The following DISP1 variants were observed in gnomAD, a reference collection of about 807,000 sequenced individuals.
DISP1 encodes the protein dispatched RND transporter family member 1, also known as protein dispatched homolog 1.
In DISP1, 30 loss-of-function variants were observed where a neutral mutation model predicts 37.3. The observed-to-expected ratio is 0.80, with a 90% CI of 0.60 to 1.09. DISP1 has a LOEUF of 1.09. Among genes scored for constraint, DISP1 ranks in the 50% least tolerant of loss-of-function variants. The pLI is 0.00. For synonymous variants in DISP1, 634 were observed against 690.2 expected (o/e 0.92, Z 1.28); for missense variants, 1,598 against 1,879.5 (o/e 0.85, Z 2.77).
intron 1 of DISP1, among the ~76,000 whole-genome samples, chr1:222,914,221 A>G (rs1335613449): frequency 6.6e-6 from 1 of 152,170 alleles, no homozygotes; most frequent in African/African-American, 2.4e-5. Context: ...GGACTTTTCA[A>G]ATATAGTACT....
intron 4 of DISP1, among the ~76,000 whole-genome samples, chr1:222,984,857 G>GT (rs1240754678): frequency 1.3e-5 from 2 of 152,238 alleles, no homozygotes; most frequent in African/African-American, 4.8e-5. Context: ...TTTGACTGCT[G>GT]TAAGTACCTC....
rs1281884678 is a variant in DISP1 at position 222,963,632 on chromosome 1, G to T, written c.510-19448G>T. 3.9e-5 allele frequency among the ~76,000 whole-genome samples: 6 copies of T among 152,132 alleles called. No homozygotes were observed. The East Asian group carries it at 1.2e-3, about 29-fold the overall frequency. On this transcript the variant is annotated intron_variant, in intron 3 of 8. Transcript: ENST00000675850. ...CCTTTGCAGAGACATGGATGGAGGT[G>T]GAAGCCATTATCTTCAGCGAACTAA... is the stretch of plus-strand genomic sequence containing the variant.
intron 1 of DISP1, among the ~76,000 whole-genome samples, chr1:222,887,408 A>G (rs534362633): frequency 6.6e-6 from 1 of 151,524 alleles, no homozygotes; most frequent in East Asian, 1.9e-4. Context: ...TCTTAAATTC[A>G]TAGTTCAAAA....
intron 5 of DISP1, 140 bp downstream of exon 5, chr1:222,990,888 A>T: frequency 2.5e-6 from 3 of 1,204,906 alleles, no homozygotes; most frequent in Non-Finnish European, 3.6e-6. Flanking sequence ...AAAAGTAAAG[A>T]CATGACTTTA....
At chr1:222,836,584 C>G (rs1054766819) in intron 1 of DISP1, among the ~76,000 whole-genome samples, 1 of 151,888 alleles carries the variant, frequency 6.6e-6, no homozygotes, top group African/African-American at 2.4e-5. Context: ...CATTTAATCT[C>G]TGAGTTTTAG....
intron 1 of DISP1, among the ~76,000 whole-genome samples, chr1:222,879,893 C>T (rs1267289660): frequency 1.3e-5 from 2 of 151,910 alleles, no homozygotes; most frequent in East Asian, 3.9e-4. Flanking sequence ...TTGAAATGAG[C>T]ATTCATACAT....
Position 222,947,589 on chromosome 1 carries a change from G to A in DISP1, c.509+4257G>A, listed in dbSNP as rs144039976. 4.0e-3 allele frequency among the ~76,000 whole-genome samples: 612 copies of A among 152,272 alleles called. 12 individuals are homozygous for A. The highest frequency in any genetic ancestry group is 0.017 in the East Asian group (90 of 5,178). ...TCAGACCAGAAGTGGAATTACTGGA[G>A]CATATGGTAATTCTGTTTTTAGCTT... On this transcript the variant is annotated intron_variant, in intron 3 of 8. Transcript: ENST00000675850.
chr1:222,859,903 G>A (rs1216353333), intron 1 of DISP1, among the ~76,000 whole-genome samples: 1 of 152,166 alleles, frequency 6.6e-6, no homozygotes, highest in African/African-American at 2.4e-5. Context: ...CACAGTCTGT[G>A]CACATACTAG....
chr1:222,970,807 T>C (rs575657131), intron 3 of DISP1, among the ~76,000 whole-genome samples: 2 of 152,148 alleles, frequency 1.3e-5, no homozygotes, highest in Non-Finnish European at 2.9e-5. Flanking sequence ...ACATAGTATT[T>C]GGGTGTCACT....
chr1:222,926,507 C>G (rs1387943247), intron 1 of DISP1, among the ~76,000 whole-genome samples: 3 of 152,092 alleles, frequency 2.0e-5, no homozygotes, highest in Non-Finnish European at 2.9e-5. Flanking sequence ...ATTACTGGTT[C>G]TAGGAGAAAT....
chr1:222,907,570 G>T (rs1022046918), intron 1 of DISP1, among the ~76,000 whole-genome samples: 27 of 152,186 alleles, frequency 1.8e-4, no homozygotes, highest in African/African-American at 5.1e-4. Flanking sequence ...GAGGAGGAAA[G>T]TCAGGTACCA....
At chr1:222,994,757 G>T in intron 7 of DISP1, 128 bp from the exon 8 acceptor site, 1 of 689,668 alleles carries the variant, frequency 1.4e-6, no homozygotes, top group South Asian at 1.7e-5. Flanking sequence ...TCAAAGGAAA[G>T]AATTTCCTGC....
At chr1:222,942,692 A>T in intron 2 of DISP1, 115 bp from the exon 3 acceptor site, 2 of 1,219,022 alleles carry the variant, frequency 1.6e-6, no homozygotes, top group Non-Finnish European at 2.4e-6. Flanking sequence ...CCACTGTCTC[A>T]CAACTCTGCA....
In DISP1 at chr1:223,003,486, G is replaced by T; in HGVS notation, c.2089G>T (p.Ala697Ser). ...CCAGAAGTGCCACAAAGTACTCTTT[G>T]CCATTTCAGAAGCATCTCGAATTTT... ...ACQKCHKVLF[A>S]ISEASRIFFE... Residue 697 changes from alanine (A) to serine (S), a missense_variant, in exon 9 of 9, where the codon GCC becomes TCC. Ala to Ser is a moderately conservative substitution (Grantham distance 99, BLOSUM62 1). Coordinates refer to ENST00000675850, the MANE Select transcript of DISP1 (RefSeq NM_001377229.1). This position sits in a 1 kb window ranked among gnomAD's most constrained non-coding sequence, Gnocchi z 4.3. 1.2e-6 allele frequency: 2 copies of T among 1,614,138 alleles called. No individual in the cohort carries two copies. The highest frequency in any genetic ancestry group is 1.7e-6 in the Non-Finnish European group (2 of 1,180,038).
chr1:222,831,283 A>G (rs1453215604), intron 1 of DISP1, among the ~76,000 whole-genome samples: 2 of 152,240 alleles, frequency 1.3e-5, no homozygotes, highest in Non-Finnish European at 2.9e-5. Flanking sequence ...ATATGTATGC[A>G]CAAATACACA....
At chr1:222,953,252 A>G (rs1675359198) in intron 3 of DISP1, among the ~76,000 whole-genome samples, 1 of 152,234 alleles carries the variant, frequency 6.6e-6, no homozygotes, top group South Asian at 2.1e-4. Context: ...GCCTGTTACC[A>G]AATTTTAATC....
intron 1 of DISP1, among the ~76,000 whole-genome samples, chr1:222,872,013 G>A (rs1477008444): frequency 6.6e-6 from 1 of 151,908 alleles, no homozygotes; most frequent in Non-Finnish European, 1.5e-5. Context: ...GTTGAATTTT[G>A]TCAAAGGCCT....
At chr1:222,900,695 T>C (rs954980408) in intron 1 of DISP1, among the ~76,000 whole-genome samples, 3 of 152,210 alleles carry the variant, frequency 2.0e-5, no homozygotes, top group Non-Finnish European at 4.4e-5. Context: ...TAATAACTTA[T>C]CTGACAAATT....
intron 1 of DISP1, among the ~76,000 whole-genome samples, chr1:222,916,113 A>G (rs1441147375): frequency 1.3e-5 from 2 of 152,254 alleles, no homozygotes; most frequent in African/African-American, 4.8e-5. Context: ...TACCTGGAAC[A>G]GGTTAACCTG....
Sources: allele counts gnomAD v4.1 joint callset (sites outside exome capture counted in the v4.1 genomes callset), GRCh38; gene constraint gnomAD v4.1.1; non-coding constraint Gnocchi (gnomAD v3.1); transcripts MANE v1.5; gene names NCBI Gene and HGNC (gene_info 2026-07-23, HGNC 2026-07-21).